POT1: variants seen among roughly 807,000 people sequenced by gnomAD.
The protein encoded by POT1 is protection of telomeres protein 1.
A neutral mutation model predicts 78.5 loss-of-function variants in POT1; 47 were observed. The observed-to-expected ratio is 0.60, with a 90% CI of 0.47 to 0.76. POT1 has a LOEUF of 0.76. POT1 is among the 30% of genes least tolerant of loss of function. The pLI, the probability that POT1 is intolerant of heterozygous loss-of-function variation, is 0.00. For synonymous variants in POT1, 259 were observed against 260.7 expected (o/e 0.99, Z 0.06); for missense variants, 646 against 749.9 (o/e 0.86, Z 1.62).
In POT1 at chr7:124,853,240, C is replaced by T. The variant is rs113763106; in HGVS notation, c.703-102G>A. ...AATATGGGGCCAATGAGGGCACTGA[C>T]CAGTCAGGAAATATACTAAAGTATC... is the stretch of plus-strand genomic sequence containing the variant. On this transcript the variant is annotated intron_variant, in intron 9 of 18. Transcript: ENST00000357628. 24 of 845,938 alleles carry T rather than the reference C, an allele frequency of 2.8e-5. 1 individual carries two copies. Among genetic ancestry groups the T allele is most frequent in the African/African-American group, 2.4e-4 (14 of 58,228 alleles). 52.4% of individuals were successfully genotyped at this position (845,938 alleles called of 1,614,324 possible).
chr7:124,828,948 C>T, intron 16 of POT1: 1 of 613,582 alleles, frequency 1.6e-6, no homozygotes, highest in East Asian at 3.8e-5. Context: ...ACATCTGCAG[C>T]ACAATGTCCA....
chr7:124,923,456 T>C (rs1249816637), intron 2 of POT1, among the ~76,000 whole-genome samples: 3 of 151,696 alleles, frequency 2.0e-5, no homozygotes, highest in Non-Finnish European at 4.4e-5. Context: ...AACGAAATTT[T>C]GAAATAATGC....
In POT1 at chr7:124,848,099, T is replaced by C. The variant is rs146382232; in HGVS notation, c.950-1101A>G. Among the ~76,000 whole-genome samples the C allele has an allele frequency of 5.0e-3, 763 of 152,260 alleles. 8 individuals carry two copies. The highest frequency in any genetic ancestry group is 0.017 in the African/African-American group (700 of 41,544). On this transcript the variant is annotated intron_variant, in intron 11 of 18. Transcript: ENST00000357628. ...TTAACTCTCAAAAACATATAGTATA[T>C]ACAAAAAGAGTACATATGATTCAAT...
At chr7:124,827,123 T>C in intron 17 of POT1, 91 bp downstream of exon 17, 2 of 665,740 alleles carry the variant, frequency 3.0e-6, no homozygotes, top group Non-Finnish European at 2.2e-6. Context: ...CCTTAAGTCC[T>C]TTTAGGAACA....
chr7:124,885,532 C>T (rs1422344317), intron 6 of POT1, among the ~76,000 whole-genome samples: 1 of 151,786 alleles, frequency 6.6e-6, no homozygotes, highest in Admixed American at 6.6e-5. Flanking sequence ...TTTGGGAGGC[C>T]AAGGCAGGTG....
Position 124,827,323 on chromosome 7 carries a change from G to T in POT1, c.1595-18C>A. ...ACCCAGTGCTAGTGAAGGAAAAAAA[G>T]ATCAAACCATATGAGTCTGCTATTC... On this transcript the variant is annotated intron_variant, in intron 16 of 18. Transcript: ENST00000357628. 1.4e-6 allele frequency: 2 copies of T among 1,450,854 alleles called. No homozygotes were observed. The highest frequency in any genetic ancestry group is 1.9e-6 in the Non-Finnish European group (2 of 1,045,506). The allele number at this position is 1,450,854 out of a possible 1,614,324, so 89.9% of individuals were successfully genotyped here.
chr7:124,830,290 T>C (rs986424063), intron 15 of POT1, among the ~76,000 whole-genome samples: 3 of 152,158 alleles, frequency 2.0e-5, no homozygotes, highest in African/African-American at 2.4e-5. Context: ...TGCATCATCA[T>C]AATGTTTATG....
At chr7:124,919,096 GC>G (rs1343095137) in intron 2 of POT1, among the ~76,000 whole-genome samples, 3 of 152,090 alleles carry the variant, frequency 2.0e-5, no homozygotes, top group Non-Finnish European at 2.9e-5. Context: ...ATACACCGAG[GC>G]TATACAATAT....
chr7:124,842,721 TATTCCTA>T (rs1262392643), intron 13 of POT1, 79 bp downstream of exon 13: 1 of 1,119,340 alleles, frequency 8.9e-7, no homozygotes, highest in African/African-American at 1.6e-5. Flanking sequence ...ACAATTTACT[TATTCCTA>T]AGACACAAAA....
intron 6 of POT1, among the ~76,000 whole-genome samples, chr7:124,881,371 C>A (rs1384447581): frequency 1.3e-5 from 2 of 151,778 alleles, no homozygotes; most frequent in Non-Finnish European, 2.9e-5. Context: ...TTATGTGGCA[C>A]ATGACTGTAC....
chr7:124,907,281 G>C (rs1037458313), intron 3 of POT1, among the ~76,000 whole-genome samples: 8 of 152,096 alleles, frequency 5.3e-5, no homozygotes, highest in African/African-American at 1.9e-4. Flanking sequence ...CTTACAAAGA[G>C]TGAGCTCCCT....
At chr7:124,920,402 C>T (rs1563023683) in intron 2 of POT1, among the ~76,000 whole-genome samples, 1 of 152,044 alleles carries the variant, frequency 6.6e-6, no homozygotes, top group Non-Finnish European at 1.5e-5. Context: ...AATTGGTAAG[C>T]AGTCATGAGT....
intron 7 of POT1, among the ~76,000 whole-genome samples, chr7:124,867,396 A>C (rs994422079): frequency 6.6e-5 from 10 of 152,140 alleles, no homozygotes; most frequent in African/African-American, 2.2e-4. Context: ...GTAAAATCTA[A>C]ATAACTTACC....
intron 18 of POT1, among the ~76,000 whole-genome samples, chr7:124,824,431 C>A (rs1000365344): frequency 6.6e-6 from 1 of 151,882 alleles, no homozygotes; most frequent in East Asian, 1.9e-4. Flanking sequence ...AGAAATCTAT[C>A]CAAAAGAATC....
intron 9 of POT1, among the ~76,000 whole-genome samples, chr7:124,858,377 C>T (rs1795498390): frequency 1.3e-5 from 2 of 151,998 alleles, no homozygotes. Context: ...AAAGAAATTC[C>T]CTACAATTTT....
intron 8 of POT1, among the ~76,000 whole-genome samples, chr7:124,862,885 C>T (rs1053849266): frequency 1.3e-5 from 2 of 151,986 alleles, no homozygotes; most frequent in Non-Finnish European, 2.9e-5. Flanking sequence ...AAGCAAAACA[C>T]AGTAATGCAA....
chr7:124,866,041 T>G (rs962298379), intron 7 of POT1, among the ~76,000 whole-genome samples: 2 of 152,174 alleles, frequency 1.3e-5, no homozygotes, highest in Non-Finnish European at 2.9e-5. Context: ...TATGTTGGCT[T>G]CTTCTGACAA....
intron 3 of POT1, among the ~76,000 whole-genome samples, chr7:124,899,366 T>G (rs1359144765): frequency 1.3e-5 from 2 of 152,130 alleles, no homozygotes; most frequent in Non-Finnish European, 2.9e-5. Flanking sequence ...AATTCCTGCG[T>G]TTTTTTCTTC....
In POT1 at chr7:124,840,688, T is replaced by C. The variant is rs561887061; in HGVS notation, c.1369+285A>G. 292 of 217,560 alleles carry C rather than the reference T, an allele frequency of 1.3e-3. 1 individual carries two copies. Among genetic ancestry groups the C allele is most frequent in the Non-Finnish European group, 2.4e-3 (260 of 110,286 alleles). The allele number at this position is 217,560 out of a possible 1,614,324, so 13.5% of individuals were successfully genotyped here. On this transcript the variant is annotated intron_variant, in intron 14 of 18. Coordinates refer to ENST00000357628, the MANE Select transcript of POT1 (RefSeq NM_015450.3). ...TCAGCCTCTTTTATTATTACTTAAC[T>C]AGACAATCAGCTTAGCATTGACAAA...
Sources: gnomAD v4.1 joint callset for allele counts (sites outside exome capture counted in the v4.1 genomes callset) on GRCh38, gnomAD v4.1.1 for gene constraint, MANE v1.5 for transcripts, NCBI Gene and HGNC (gene_info 2026-07-23, HGNC 2026-07-21) for gene names.